The following FOXP2 variants were observed in gnomAD, a reference collection of about 807,000 sequenced individuals.
The protein encoded by FOXP2 is forkhead box protein P2.
FOXP2 carries 12 observed loss-of-function variants against 115.8 expected under a neutral mutation model. The observed-to-expected ratio is 0.10, with a 90% CI of 0.07 to 0.17. The LOEUF is 0.17. Ranked by LOEUF, FOXP2 falls within the 10% of genes least tolerant of loss-of-function variation. FOXP2 has a pLI of 1.00. For synonymous variants in FOXP2, 328 were observed against 297.7 expected (o/e 1.10, Z -1.05); for missense variants, 629 against 843.5 (o/e 0.75, Z 3.15).
chr7:114,652,906 T>G (rs1368924080), intron 9 of FOXP2, among the ~76,000 whole-genome samples: 1 of 152,114 alleles, frequency 6.6e-6, no homozygotes, highest in African/African-American at 2.4e-5. Context: ...TGAAACAGAA[T>G]TTGGCCAGAA....
chr7:114,547,072 AT>A (rs886665118), intron 3 of FOXP2, among the ~76,000 whole-genome samples: 1 of 152,214 alleles, frequency 6.6e-6, no homozygotes, highest in African/African-American at 2.4e-5. Flanking sequence ...AGATATGAAT[AT>A]CATTAGAAGA....
At chr7:114,505,663 G>T (rs1449173735) in intron 2 of FOXP2, among the ~76,000 whole-genome samples, 3 of 151,294 alleles carry the variant, frequency 2.0e-5, no homozygotes, top group Non-Finnish European at 4.4e-5. Flanking sequence ...ACTTCTTTTG[G>T]GGGGGTCTTC....
chr7:114,479,582 G>A (rs1273460192), intron 2 of FOXP2, among the ~76,000 whole-genome samples: 2 of 149,376 alleles, frequency 1.3e-5, no homozygotes, highest in Non-Finnish European at 3.0e-5. Context: ...GGAGTATTTT[G>A]TAAATATATG....
At chr7:114,249,388 C>T (rs1795375873) in intron 1 of FOXP2, among the ~76,000 whole-genome samples, 1 of 151,946 alleles carries the variant, frequency 6.6e-6, no homozygotes, top group African/African-American at 2.4e-5. Flanking sequence ...CAGTAGGCCC[C>T]AATGTGTGTT....
intron 1 of FOXP2, among the ~76,000 whole-genome samples, chr7:114,252,118 G>C (rs10265336): frequency 1.4e-3 from 206 of 152,300 alleles, no homozygotes; most frequent in African/African-American, 4.7e-3. Flanking sequence ...TGTTGAACCA[G>C]CCTTGCATCC....
At chr7:114,680,274 G>A (rs982549125) in intron 16 of FOXP2, among the ~76,000 whole-genome samples, 1 of 152,104 alleles carries the variant, frequency 6.6e-6, no homozygotes, top group African/African-American at 2.4e-5. Flanking sequence ...TGAAAGGATC[G>A]ATTAAATTTG....
intron 1 of FOXP2, among the ~76,000 whole-genome samples, chr7:114,176,336 TTC>T (rs1186084127): frequency 1.7e-4 from 23 of 135,768 alleles, no homozygotes; most frequent in Admixed American, 2.8e-4. Context: ...TTTTCTTTCT[TTC>T]TCTCTCTCTC....
chr7:114,111,095 G>A (rs1562967435), intron 1 of FOXP2, among the ~76,000 whole-genome samples: 1 of 152,138 alleles, frequency 6.6e-6, no homozygotes. Context: ...AGGATCTGCT[G>A]TATTAGAGTG....
At chr7:114,264,740 A>G (rs1795853393) in intron 1 of FOXP2, among the ~76,000 whole-genome samples, 1 of 152,188 alleles carries the variant, frequency 6.6e-6, no homozygotes, top group African/African-American at 2.4e-5. Context: ...ATAACCATGC[A>G]ACCAACATTG....
chr7:114,342,818 T>C (rs1021355367), intron 2 of FOXP2, among the ~76,000 whole-genome samples: 4 of 151,558 alleles, frequency 2.6e-5, no homozygotes, highest in Non-Finnish European at 4.4e-5. Flanking sequence ...GATTAATGGT[T>C]ATATGATAAT....
At chr7:114,280,612 C>T (rs2129174737) in intron 1 of FOXP2, among the ~76,000 whole-genome samples, 1 of 152,090 alleles carries the variant, frequency 6.6e-6, no homozygotes, top group Admixed American at 6.6e-5. Flanking sequence ...CTACAGAAGC[C>T]TTTGTCTAAG....
At chr7:114,492,348 T>G (rs1797103817) in intron 2 of FOXP2, among the ~76,000 whole-genome samples, 1 of 152,148 alleles carries the variant, frequency 6.6e-6, no homozygotes, top group Non-Finnish European at 1.5e-5. Context: ...TTTGTTGATC[T>G]TTTCAAAAAA....
At chr7:114,423,311 T>C (rs188785873) in intron 1 of FOXP2, among the ~76,000 whole-genome samples, 20 of 151,640 alleles carry the variant, frequency 1.3e-4, no homozygotes, top group Non-Finnish European at 2.2e-4. Flanking sequence ...CCAGTGTCAG[T>C]TTAATGTTTC....
At chr7:114,278,727 A>C (rs1238303529) in intron 1 of FOXP2, among the ~76,000 whole-genome samples, 1 of 152,328 alleles carries the variant, frequency 6.6e-6, no homozygotes, top group Non-Finnish European at 1.5e-5. Context: ...CAGAAGACTC[A>C]GTATTGTAAA....
rs113441939 is a variant in FOXP2, at chr7:114,201,307, CAA to C, written c.-102+38224_-102+38225del. Among the ~76,000 whole-genome samples, 842 of 151,926 alleles carry C rather than the reference CAA, an allele frequency of 5.5e-3. 12 individuals are homozygous for C. Among genetic ancestry groups the C allele is most frequent in the African/African-American group, 0.019 (805 of 41,462 alleles). On this transcript the variant is annotated intron_variant, in intron 1 of 17. Coordinates refer to the FOXP2 transcript ENST00000634411. ...ACAACATGGTGAGACCCCATTTCTA[CAA>C]AAAACGAAAAATTAGCTGGGTGGTG...
At position 114,692,299 on chromosome 7, in the gene FOXP2, A is replaced by G. The variant is rs775978297; in HGVS notation, c.*2373A>G. The G allele has an allele frequency of 4.4e-6, 2 of 454,040 alleles. No individual in the cohort carries two copies. The highest frequency in any genetic ancestry group is 1.4e-3 in the Middle Eastern group (2 of 1,444). The allele number at this position is 454,040 out of a possible 1,614,324, so 28.1% of individuals were successfully genotyped here. ...AAACTTTTGAAAGGAAGTCTCAGCC[A>G]CAGAATGCATATACCTGTAGAGTTT... is the stretch of plus-strand genomic sequence containing the variant. On this transcript the variant is annotated 3_prime_UTR_variant, in exon 17 of 17. Transcript: ENST00000350908.
intron 1 of FOXP2, among the ~76,000 whole-genome samples, chr7:114,262,188 T>C (rs1049270864): frequency 3.3e-5 from 5 of 151,766 alleles, no homozygotes. Flanking sequence ...CTTTGGGAGG[T>C]CTAGGAGGCA....
chr7:114,179,776 A>G (rs1793410426), intron 1 of FOXP2, among the ~76,000 whole-genome samples: 1 of 152,144 alleles, frequency 6.6e-6, no homozygotes, highest in African/African-American at 2.4e-5. Flanking sequence ...AGCAAACCAA[A>G]AAACTGTGGC....
Position 114,669,299 on chromosome 7 carries a change from T to C in FOXP2, c.2003+4863T>C, listed in dbSNP as rs117406923. The C allele has an allele frequency of 7.9e-5, 12 of 152,178 alleles. No homozygotes were observed. The East Asian group carries it at 1.3e-3, about 17-fold the overall frequency. 9.4% of individuals were successfully genotyped at this position (152,178 alleles called of 1,614,324 possible). On this transcript the variant is annotated intron_variant, in intron 16 of 16. Transcript: ENST00000350908. ...TAGGAAAGGTTAAAGCCAGGCGACA[T>C]TGTATAGATTCTACATAATAATTTT...
Sources: allele counts gnomAD v4.1 joint callset (sites outside exome capture counted in the v4.1 genomes callset), GRCh38; gene constraint gnomAD v4.1.1; transcripts MANE v1.5; gene names NCBI Gene and HGNC (gene_info 2026-07-23, HGNC 2026-07-21).